Variants in GRM8 observed in about 807,000 individuals in gnomAD.
GRM8 encodes glutamate metabotropic receptor 8.
A neutral mutation model predicts 87.2 loss-of-function variants in GRM8; 47 were observed. The observed-to-expected ratio is 0.54, with a 90% CI of 0.43 to 0.69. The LOEUF is 0.69. GRM8 is among the 30% of genes least tolerant of loss of function. The pLI is 0.00. For synonymous variants in GRM8, 396 were observed against 404.5 expected (o/e 0.98, Z 0.25); for missense variants, 1,019 against 1,139.2 (o/e 0.89, Z 1.52).
chr7:127,163,784 T>C (rs1793270940), intron 2 of GRM8, among the ~76,000 whole-genome samples: 1 of 152,192 alleles, frequency 6.6e-6, no homozygotes, highest in Non-Finnish European at 1.5e-5. Context: ...ATTTTCCCTC[T>C]ACTTTTGCAC....
At chr7:126,899,899 T>G (rs1489259992) in intron 6 of GRM8, among the ~76,000 whole-genome samples, 1 of 152,020 alleles carries the variant, frequency 6.6e-6, no homozygotes, top group East Asian at 1.9e-4. Flanking sequence ...CCCTCTAATT[T>G]GGTTACCCAG....
intron 7 of GRM8, among the ~76,000 whole-genome samples, chr7:126,754,350 T>C (rs1327356427): frequency 6.6e-6 from 1 of 151,898 alleles, no homozygotes; most frequent in Non-Finnish European, 1.5e-5. Flanking sequence ...TCTTAAAATG[T>C]AGTAAAGTAG....
chr7:127,000,161 G>A (rs1813582669), intron 3 of GRM8, among the ~76,000 whole-genome samples: 1 of 151,660 alleles, frequency 6.6e-6, no homozygotes, highest in Admixed American at 6.6e-5. Context: ...AACTTTGCAT[G>A]TTCTCACTTA....
At chr7:126,916,797 G>A (rs1011596060) in intron 3 of GRM8, among the ~76,000 whole-genome samples, 10 of 152,056 alleles carry the variant, frequency 6.6e-5, no homozygotes, top group Non-Finnish European at 1.2e-4. Context: ...ACCATGGTAC[G>A]GCAGTAACCA....
intron 3 of GRM8, among the ~76,000 whole-genome samples, chr7:127,046,596 C>G (rs1818953687): frequency 6.6e-6 from 1 of 151,988 alleles, no homozygotes; most frequent in Admixed American, 6.6e-5. Flanking sequence ...TGCCTAGTGC[C>G]TGGCACATAG....
chr7:126,920,749 C>T (rs1383574134), intron 3 of GRM8, among the ~76,000 whole-genome samples: 1 of 152,162 alleles, frequency 6.6e-6, no homozygotes, highest in Non-Finnish European at 1.5e-5. Context: ...GAATAAAAGT[C>T]TGCATGCTGA....
chr7:126,790,182 A>G (rs1192369678), intron 6 of GRM8, among the ~76,000 whole-genome samples: 2 of 152,078 alleles, frequency 1.3e-5, no homozygotes, highest in Non-Finnish European at 1.5e-5. Context: ...TAATTTTTGT[A>G]TTTTTAGTAG....
intron 7 of GRM8, among the ~76,000 whole-genome samples, chr7:126,756,108 G>A (rs910553074): frequency 1.3e-5 from 2 of 151,650 alleles, no homozygotes; most frequent in African/African-American, 2.4e-5. Flanking sequence ...CATGACATTT[G>A]AACAATTGAG....
chr7:126,917,347 C>G (rs1419463), intron 3 of GRM8, among the ~76,000 whole-genome samples: 118,186 of 151,874 alleles, frequency 0.78, 46,433 homozygotes, highest in East Asian at 0.97. Context: ...ACAATTAGTA[C>G]CTTGAGATGC....
At chr7:126,711,482 T>A (rs1042463570) in intron 7 of GRM8, among the ~76,000 whole-genome samples, 1 of 152,224 alleles carries the variant, frequency 6.6e-6, no homozygotes, top group African/African-American at 2.4e-5. Context: ...AGATTTAGCA[T>A]AATTCTTAAG....
chr7:126,509,111 T>A (rs908543796), intron 9 of GRM8, among the ~76,000 whole-genome samples: 1 of 152,118 alleles, frequency 6.6e-6, no homozygotes, highest in Admixed American at 6.6e-5. Context: ...AGAATAAATT[T>A]GAAAAGCATA....
intron 6 of GRM8, among the ~76,000 whole-genome samples, chr7:126,848,062 A>G (rs965277842): frequency 6.6e-6 from 1 of 152,212 alleles, no homozygotes; most frequent in Admixed American, 6.5e-5. Context: ...AACTAGTGTG[A>G]TGATAGGAAC....
intron 9 of GRM8, among the ~76,000 whole-genome samples, chr7:126,483,575 A>T (rs1806981487): frequency 6.6e-6 from 1 of 150,526 alleles, no homozygotes; most frequent in Admixed American, 6.6e-5. Flanking sequence ...AATTTGAAAA[A>T]CAACATTTAT....
At chr7:127,040,495 A>G (rs1818324000) in intron 3 of GRM8, among the ~76,000 whole-genome samples, 1 of 152,150 alleles carries the variant, frequency 6.6e-6, no homozygotes, top group Non-Finnish European at 1.5e-5. Flanking sequence ...TCAAGGACAA[A>G]TATTTCATGC....
intron 3 of GRM8, among the ~76,000 whole-genome samples, chr7:126,958,503 C>G (rs889254236): frequency 6.6e-6 from 1 of 152,194 alleles, no homozygotes; most frequent in Admixed American, 6.5e-5. Context: ...GCTGCCTGCC[C>G]CACTGCGGCA....
At chr7:127,165,022 A>T (rs537108445) in intron 2 of GRM8, among the ~76,000 whole-genome samples, 1 of 151,338 alleles carries the variant, frequency 6.6e-6, no homozygotes, top group East Asian at 1.9e-4. Context: ...TTCAGCAAAT[A>T]TTCCACTATA....
intron 2 of GRM8, among the ~76,000 whole-genome samples, chr7:127,220,345 A>T (rs1796840736): frequency 2.6e-5 from 4 of 152,254 alleles, no homozygotes; most frequent in Admixed American, 6.5e-5. Context: ...ATCTTAAAAT[A>T]TTACTAATAA....
At chr7:126,615,882 T>G (rs888533055) in intron 7 of GRM8, among the ~76,000 whole-genome samples, 1 of 152,108 alleles carries the variant, frequency 6.6e-6, no homozygotes, top group Non-Finnish European at 1.5e-5. Flanking sequence ...AAGCAAGTAC[T>G]TAGAGACCTA....
intron 7 of GRM8, among the ~76,000 whole-genome samples, chr7:126,748,536 T>A (rs1215748234): frequency 1.3e-5 from 2 of 150,680 alleles, no homozygotes; most frequent in Non-Finnish European, 2.9e-5. Flanking sequence ...GACTGAACCG[T>A]AAGATGTCAA....
Sources: gnomAD v4.1 joint callset for allele counts (sites outside exome capture counted in the v4.1 genomes callset) on GRCh38, gnomAD v4.1.1 for gene constraint, MANE v1.5 for transcripts, NCBI Gene and HGNC (gene_info 2026-07-23, HGNC 2026-07-21) for gene names.